Variants in HS3ST4 observed in about 807,000 individuals in gnomAD.
HS3ST4 encodes heparan sulfate glucosamine 3-O-sulfotransferase 4.
Under a neutral mutation model 29.2 loss-of-function variants are expected in HS3ST4, and 17 were observed. The ratio of observed to expected loss-of-function variants is 0.58; its 90% CI spans 0.40 to 0.87. HS3ST4 has a LOEUF of 0.87. HS3ST4 is among the 40% of genes least tolerant of loss of function. The pLI is 0.00. For missense variants in HS3ST4, 627 were observed against 634.5 expected (o/e 0.99, Z 0.13); for synonymous variants, 314 against 285.7 (o/e 1.10, Z -1.00).
intron 1 of HS3ST4, among the ~76,000 whole-genome samples, chr16:26,115,126 A>G (rs1437198834): frequency 2.6e-5 from 4 of 152,134 alleles, no homozygotes; most frequent in African/African-American, 9.7e-5. Context: ...TACATAAAGT[A>G]TGATAATATT....
At chr16:26,031,909 A>G (rs934584271) in intron 1 of HS3ST4, among the ~76,000 whole-genome samples, 1 of 152,196 alleles carries the variant, frequency 6.6e-6, no homozygotes. Context: ...CTGAACAGGG[A>G]AAGTTTAGAG....
intron 1 of HS3ST4, among the ~76,000 whole-genome samples, chr16:25,703,337 CTGG>C (rs1966349731): frequency 6.6e-6 from 1 of 152,116 alleles, no homozygotes; most frequent in African/African-American, 2.4e-5. Flanking sequence ...AGTGGCAGCA[CTGG>C]TGGTAGATGA....
At chr16:25,957,878 TGGGG>T in intron 1 of HS3ST4, among the ~76,000 whole-genome samples, 1 of 133,428 alleles carries the variant, frequency 7.5e-6, no homozygotes, top group Non-Finnish European at 1.8e-5. Flanking sequence ...CTGGCTGGTG[TGGGG>T]ATCAACAGGT....
At chr16:25,832,223 C>G (rs1004393515) in intron 1 of HS3ST4, among the ~76,000 whole-genome samples, 3 of 152,136 alleles carry the variant, frequency 2.0e-5, no homozygotes, top group Non-Finnish European at 4.4e-5. Context: ...CTTAGTCAAC[C>G]GGGGCTGATT....
chr16:26,087,475 C>G (rs1337037544), intron 1 of HS3ST4, among the ~76,000 whole-genome samples: 1 of 152,124 alleles, frequency 6.6e-6, no homozygotes, highest in Non-Finnish European at 1.5e-5. Flanking sequence ...TTCCGTTGAC[C>G]TATCTCAACA....
chr16:25,745,137 G>A (rs1197509395), intron 1 of HS3ST4, among the ~76,000 whole-genome samples: 1 of 152,092 alleles, frequency 6.6e-6, no homozygotes, highest in East Asian at 1.9e-4. Flanking sequence ...AGTTGCAAGA[G>A]GGCCTGGAAA....
chr16:26,086,442 C>A (rs1280063543), intron 1 of HS3ST4, among the ~76,000 whole-genome samples: 1 of 152,018 alleles, frequency 6.6e-6, no homozygotes, highest in African/African-American at 2.4e-5. Context: ...CTCCGCCTCC[C>A]AAGTTCATGC....
chr16:25,887,720 T>C (rs1363945859), intron 1 of HS3ST4, among the ~76,000 whole-genome samples: 1 of 130,534 alleles, frequency 7.7e-6, no homozygotes, highest in Admixed American at 7.9e-5. Flanking sequence ...TTTTTTGAGA[T>C]GGAGTCTTGC....
chr16:26,062,758 G>T (rs921778735), intron 1 of HS3ST4: 2 of 218,124 alleles, frequency 9.2e-6, no homozygotes. Flanking sequence ...TTTAGTCTAC[G>T]TACTTCCCAA....
intron 1 of HS3ST4, among the ~76,000 whole-genome samples, chr16:25,832,102 G>T (rs1967309033): frequency 6.6e-6 from 1 of 152,058 alleles, no homozygotes; most frequent in Non-Finnish European, 1.5e-5. Flanking sequence ...GTGAGACCCT[G>T]TTGCAAACAT....
chr16:25,979,876 T>C (rs1282742953), intron 1 of HS3ST4, among the ~76,000 whole-genome samples: 1 of 152,186 alleles, frequency 6.6e-6, no homozygotes, highest in Admixed American at 6.5e-5. Flanking sequence ...TGAATGGTAA[T>C]GCCACCTACC....
At chr16:25,994,008 G>GTGT (rs1969137901) in intron 1 of HS3ST4, among the ~76,000 whole-genome samples, 1 of 142,586 alleles carries the variant, frequency 7.0e-6, no homozygotes, top group African/African-American at 2.6e-5. Flanking sequence ...GTGTGTGTGT[G>GTGT]GTGGAGAGAG....
chr16:26,048,040 G>A (rs980368113), intron 1 of HS3ST4, among the ~76,000 whole-genome samples: 33 of 152,276 alleles, frequency 2.2e-4, no homozygotes, highest in African/African-American at 7.5e-4. Context: ...TCAAGGTGTC[G>A]GCAGGGCTGG....
intron 1 of HS3ST4, among the ~76,000 whole-genome samples, chr16:26,057,935 C>T (rs959768894): frequency 1.2e-4 from 19 of 152,118 alleles, no homozygotes; most frequent in Non-Finnish European, 2.8e-4. Context: ...AAACATCTCA[C>T]TGGGGCCAGG....
intron 1 of HS3ST4, among the ~76,000 whole-genome samples, chr16:25,967,432 G>T (rs1427071287): frequency 1.3e-5 from 2 of 152,148 alleles, no homozygotes; most frequent in East Asian, 3.9e-4. Flanking sequence ...GGAATTACAG[G>T]CGTGAGCCAC....
intron 1 of HS3ST4, among the ~76,000 whole-genome samples, chr16:26,025,740 A>G (rs1969464310): frequency 6.6e-6 from 1 of 152,102 alleles, no homozygotes; most frequent in African/African-American, 2.4e-5. Flanking sequence ...GAACTTCTGG[A>G]AGGCTTAGCA....
chr16:25,821,121 G>A (rs920550825), intron 1 of HS3ST4, among the ~76,000 whole-genome samples: 1 of 147,904 alleles, frequency 6.8e-6, no homozygotes, highest in African/African-American at 2.5e-5. Flanking sequence ...GCAGTGGTGC[G>A]ATCTCGGCTC....
chr16:25,778,961 C>T (rs909702729), intron 1 of HS3ST4, among the ~76,000 whole-genome samples: 6 of 152,148 alleles, frequency 3.9e-5, no homozygotes, highest in Non-Finnish European at 5.9e-5. Flanking sequence ...TACTAGCCCC[C>T]ATATCATGTG....
At chr16:25,828,258 TTCTTTC>T (rs1967246588) in intron 1 of HS3ST4, among the ~76,000 whole-genome samples, 1 of 87,046 alleles carries the variant, frequency 1.1e-5, no homozygotes, top group South Asian at 4.7e-4. Flanking sequence ...CTTTCTTTCT[TTCTTTC>T]TTTCTTTCTT....
Sources: allele counts gnomAD v4.1 joint callset (sites outside exome capture counted in the v4.1 genomes callset), GRCh38; gene constraint gnomAD v4.1.1; transcripts MANE v1.5; gene names NCBI Gene and HGNC (gene_info 2026-07-23, HGNC 2026-07-21).